The following TMC6 variants were observed in gnomAD, a reference collection of about 807,000 sequenced individuals.
The protein encoded by TMC6 is transmembrane channel like 6, also known as transmembrane channel-like protein 6.
In TMC6, 71 loss-of-function variants were observed where a neutral mutation model predicts 95.4. The ratio of observed to expected loss-of-function variants is 0.74; its 90% CI spans 0.61 to 0.91. The LOEUF is 0.91. Ranked by LOEUF, TMC6 falls within the 40% of genes least tolerant of loss-of-function variation. The probability of loss-of-function intolerance (pLI) is 0.00; values close to 1 mark genes in which losing one functional copy is unlikely to be tolerated. For synonymous variants in TMC6, 514 were observed against 483.1 expected, an observed-to-expected ratio of 1.06 and a Z score of -0.84; for missense variants, 1,074 against 1,079.1, an observed-to-expected ratio of 1.00 and a Z score of 0.07.
At chr17:78,117,674 C>G (rs765053839) in intron 16 of TMC6, 30 bp from the exon 17 acceptor site, 2 of 1,556,334 alleles carry the variant, frequency 1.3e-6, no homozygotes, top group Non-Finnish European at 1.7e-6. Context: ...GGAACCCTCA[C>G]CCCGAGCAAC....
At chr17:78,114,367 G>A (rs1216210352) in intron 18 of TMC6, among the ~76,000 whole-genome samples, 1 of 152,108 alleles carries the variant, frequency 6.6e-6, no homozygotes, top group Admixed American at 6.5e-5. Context: ...CCTATCCAAA[G>A]TCAGCTGACT....
Position 78,121,621 on chromosome 17 carries a change from G to A in TMC6, c.1318C>T (p.Leu440=). Residue 440 remains leucine (L), a synonymous_variant, in exon 11 of 20, where the codon CTG becomes TTG. Transcript: ENST00000590602. This position sits in a 1 kb window ranked among gnomAD's most constrained non-coding sequence, Gnocchi z 5.6. ...QAAVLGLVWL[L]CLGTALGCAV... is the part of the protein sequence containing the mutation. ...CAGCCCAGCGCGGTCCCCAGACACA[G>A]CAGCCACACAAGCCCCAGCACAGCC... 6.2e-7 allele frequency: 1 copy of A among 1,610,264 alleles called. No homozygotes were observed. Among genetic ancestry groups the A allele is most frequent in the Non-Finnish European group, 8.5e-7 (1 of 1,179,464 alleles).
At position 78,117,873 on chromosome 17, in the gene TMC6, G is replaced by C. The variant is rs2613516; in HGVS notation, c.1950C>G (p.Thr650=). 1.2e-6 allele frequency: 2 copies of C among 1,606,376 alleles called. No individual in the cohort carries two copies. Among genetic ancestry groups the C allele is most frequent in the African/African-American group, 1.3e-5 (1 of 74,876 alleles). Residue 650 remains threonine, a synonymous_variant, in exon 16 of 20, where the codon ACC becomes ACG. Coordinates refer to ENST00000590602, the MANE Select transcript of TMC6 (RefSeq NM_001127198.5). ...RRPWLASHMS[T]VFLTLLCFPA... ...GGAAGCAGAGCAGCGTGAGGAAGAC[G>C]GTGCTCATGTGTGAGGCCAGCCAGG...
At chr17:78,129,015 A>G (rs942406293), upstream of TMC6, among the ~76,000 whole-genome samples, 4 of 152,028 alleles carry the variant, frequency 2.6e-5, no homozygotes, top group Admixed American at 2.0e-4. The surrounding 1 kb of genome is among the most constrained non-coding windows in gnomAD (Gnocchi z 4.3). Flanking sequence ...AAAAGGGGCA[A>G]TATTTCCAGA....
upstream of TMC6, among the ~76,000 whole-genome samples, chr17:78,129,228 G>C (rs1461359678): frequency 1.3e-5 from 2 of 151,882 alleles, no homozygotes; most frequent in East Asian, 3.9e-4. This position sits in a 1 kb window ranked among gnomAD's most constrained non-coding sequence, Gnocchi z 4.3. Context: ...TGTTTATCTA[G>C]CAAGAGTTCT....
At chr17:78,118,089 C>A (rs1031465700) in intron 15 of TMC6, 154 bp from the exon 16 acceptor site, 1 of 1,351,248 alleles carries the variant, frequency 7.4e-7, no homozygotes, top group Non-Finnish European at 9.9e-7. Flanking sequence ...CAGAGGAAGA[C>A]AGAAGCCTGC....
upstream of TMC6, chr17:78,132,298 T>C: frequency 6.3e-7 from 1 of 1,596,606 alleles, no homozygotes; most frequent in Non-Finnish European, 8.6e-7. Flanking sequence ...GCCCTTGGAC[T>C]CTCAGCGCGG....
chr17:78,115,437 A>G (rs746635673), intron 18 of TMC6, among the ~76,000 whole-genome samples: 7 of 152,090 alleles, frequency 4.6e-5, no homozygotes, highest in African/African-American at 7.2e-5. Context: ...CCCTAGGGGG[A>G]GGGCAGAGCC....
chr17:78,130,471 C>G (rs1462691555), upstream of TMC6, among the ~76,000 whole-genome samples: 1 of 152,230 alleles, frequency 6.6e-6, no homozygotes. Flanking sequence ...CAGCTGCAGG[C>G]TGGACATCCC....
chr17:78,120,495 T>C (rs771693231), intron 13 of TMC6, 158 bp downstream of exon 13: 5 of 1,163,520 alleles, frequency 4.3e-6, no homozygotes, highest in Non-Finnish European at 6.5e-6. Flanking sequence ...TCCTTTCCAA[T>C]CTAAAAATGA....
At chr17:78,115,307 G>A (rs992557718) in intron 18 of TMC6, among the ~76,000 whole-genome samples, 9 of 152,326 alleles carry the variant, frequency 5.9e-5, no homozygotes, top group Non-Finnish European at 1.0e-4. Context: ...GACGCCAGCC[G>A]CTGATCCCCA....
Position 78,122,804 on chromosome 17 carries a change from A to G in TMC6, c.1083-55T>C. On this transcript the variant is annotated intron_variant, in intron 9 of 19. Transcript: ENST00000590602. This position sits in a 1 kb window ranked among gnomAD's most constrained non-coding sequence, Gnocchi z 4.9. ...CCAACAAGCTGACGGGCAGAGGCCA[A>G]GGGGAGAAGGCAGACCGGATGCTCT... The G allele has an allele frequency of 6.3e-7, 1 of 1,584,244 alleles. No homozygotes were observed. The highest frequency in any genetic ancestry group is 8.5e-7 in the Non-Finnish European group (1 of 1,170,026).
In TMC6 at chr17:78,124,641, G is replaced by C. The variant is rs756800994; in HGVS notation, c.774C>G (p.Phe258Leu). Reference protein sequence around the residue: ...YFLFLKTLLAFNALLLLLLVA... With the variant: ...YFLFLKTLLALNALLLLLLVA... ...CCAGCAGCAGCAGCAGGAGGGCATT[G>C]AAAGCCAGCAGGGTCTTGAGAAAGA... Residue 258 changes from phenylalanine to leucine, a missense_variant, in exon 8 of 20, where the codon TTC becomes TTG. By Grantham distance (22) the Phe-to-Leu change is conservative (BLOSUM62 0). Coordinates refer to ENST00000590602, the MANE Select transcript of TMC6 (RefSeq NM_001127198.5). 3 of 1,612,110 alleles carry C rather than the reference G, an allele frequency of 1.9e-6. No homozygotes were observed. The highest frequency in any genetic ancestry group is 2.5e-6 in the Non-Finnish European group (3 of 1,179,606).
chr17:78,131,398 A>G, upstream of TMC6: 1 of 739,670 alleles, frequency 1.4e-6, no homozygotes, highest in Non-Finnish European at 2.2e-6. Context: ...GCAGAGCGGC[A>G]GACCCGGGCA....
chr17:78,129,114 GCGCCCCCCC>G (rs1375943303), upstream of TMC6, among the ~76,000 whole-genome samples: 4 of 97,276 alleles, frequency 4.1e-5, no homozygotes, highest in African/African-American at 1.6e-4. The surrounding 1 kb of genome is among the most constrained non-coding windows in gnomAD (Gnocchi z 4.3). Flanking sequence ...AGATTGGGCA[GCGCCCCCCC>G]CCCCGCCGCC....
chr17:78,131,871 C>G, upstream of TMC6: 1 of 1,458,940 alleles, frequency 6.9e-7, no homozygotes, highest in Non-Finnish European at 9.0e-7. Context: ...CCTGTCACCA[C>G]CCCCGTCCAG....
Position 78,112,586 on chromosome 17 carries a change from C to G in TMC6, c.*562G>C. ...ACTCATTTGCAACTGATATGTCTCC[C>G]CTCCAAGTCCCTCTCTAAATTTGTC... On this transcript the variant is annotated 3_prime_UTR_variant, in exon 20 of 20. Transcript: ENST00000590602. 1 of 163,876 alleles carries G rather than the reference C, an allele frequency of 6.1e-6. No homozygotes were observed. The highest frequency in any genetic ancestry group is 6.0e-5 in the Admixed American group (1 of 16,538). The allele number at this position is 163,876 out of a possible 1,614,324, so 10.2% of individuals were successfully genotyped here.
intron 15 of TMC6, 112 bp from the exon 16 acceptor site, chr17:78,118,047 C>T (rs1212959955): frequency 1.3e-6 from 2 of 1,521,114 alleles, no homozygotes; most frequent in Admixed American, 4.0e-5. Context: ...CAGGCAGAGC[C>T]TGGACCCTGC....
intron 5 of TMC6, among the ~76,000 whole-genome samples, chr17:78,125,509 T>A (rs1366138200): frequency 6.6e-6 from 1 of 152,200 alleles, no homozygotes; most frequent in Admixed American, 6.5e-5. Flanking sequence ...GCCACAGCCC[T>A]CCAAGCACTC....
Sources: gnomAD v4.1 joint callset for allele counts (sites outside exome capture counted in the v4.1 genomes callset) on GRCh38, gnomAD v4.1.1 for gene constraint, Gnocchi (gnomAD v3.1) non-coding constraint, MANE v1.5 for transcripts, NCBI Gene and HGNC (gene_info 2026-07-23, HGNC 2026-07-21) for gene names.